The following EVC2 variants were observed in gnomAD, a reference collection of about 807,000 sequenced individuals.
EVC2 encodes limbin.
A neutral mutation model predicts 149.3 loss-of-function variants in EVC2; 148 were observed. The ratio of observed to expected loss-of-function variants is 0.99; its 90% CI spans 0.87 to 1.14. The LOEUF is 1.14. Ranked by LOEUF, EVC2 falls within the 50% of genes most tolerant of loss-of-function variation. The pLI is 0.00. For missense variants in EVC2, 1,854 were observed against 1,627.3 expected (o/e 1.14, Z -2.40); for synonymous variants, 776 against 649.9 (o/e 1.19, Z -2.95).
chr4:5,617,973 C>T (rs1715384241), intron 15 of EVC2, among the ~76,000 whole-genome samples: 1 of 151,004 alleles, frequency 6.6e-6, no homozygotes, highest in Non-Finnish European at 1.5e-5. Context: ...AGTTGTCTGC[C>T]CTCGGGCACA....
rs1020992089 is a variant in EVC2 at position 5,679,604 on chromosome 4, G to A, written c.870+1656C>T. On this transcript the variant is annotated intron_variant, in intron 7 of 21. Transcript: ENST00000344408. This position sits in a 1 kb window ranked among gnomAD's most constrained non-coding sequence, Gnocchi z 5.1. ...AGTAATAAGTTAATCTTGGCTTACT[G>A]TAATTTTTTATTTTTTATTTTATTT... Among the ~76,000 whole-genome samples, 1 of 152,076 alleles carries A rather than the reference G, an allele frequency of 6.6e-6. No individual in the cohort carries two copies. The highest frequency in any genetic ancestry group is 2.4e-5 in the African/African-American group (1 of 41,414).
Position 5,614,401 on chromosome 4 carries a change from CT to C in EVC2, c.2829+1020del, listed in dbSNP as rs5855863. Among the ~76,000 whole-genome samples the C allele has an allele frequency of 0.27, 41,398 of 151,904 alleles. 6,041 individuals carry two copies. The highest frequency in any genetic ancestry group is 0.6 in the East Asian group (3,075 of 5,116). On this transcript the variant is annotated intron_variant, in intron 16 of 21. Transcript: ENST00000344408. This position sits in a 1 kb window ranked among gnomAD's most constrained non-coding sequence, Gnocchi z 4.7. ...GTTAACTGACACAGCGCCTGGGACA[CT>C]GTTGCCTCCCCAAAATACTTGTGGA...
chr4:5,529,791 G>A, the EVC2 span, among the ~76,000 whole-genome samples: 1 of 151,840 alleles, frequency 6.6e-6, no homozygotes, highest in African/African-American at 2.4e-5. The surrounding 1 kb of genome is among the most constrained non-coding windows in gnomAD (Gnocchi z 4.5). Context: ...TACAGAAATG[G>A]GAAGAACTGA....
intron 14 of EVC2, among the ~76,000 whole-genome samples, chr4:5,619,154 T>C (rs1238462035): frequency 6.6e-6 from 1 of 152,160 alleles, no homozygotes; most frequent in Non-Finnish European, 1.5e-5. Flanking sequence ...TGTCATTCAG[T>C]GAAAATCGAT....
Position 5,681,269 on chromosome 4 carries a change from T to C in EVC2, c.861A>G (p.Glu287=). 6.2e-7 allele frequency: 1 copy of C among 1,614,258 alleles called. No individual in the cohort carries two copies. Among genetic ancestry groups the C allele is most frequent in the Non-Finnish European group, 8.5e-7 (1 of 1,180,036 alleles). Residue 287 remains glutamate, a synonymous_variant, in exon 7 of 22, where the codon GAA becomes GAG. Transcript: ENST00000344408. ...LKVLFSITAE[E]NVTVLPHHGL... ...ATGTCATGTCTCTTACCGTTACGTT[T>C]TCTTCTGCTGTTATGGAAAAAAGCA...
intron 21 of EVC2, chr4:5,543,335 C>A: frequency 2.2e-6 from 1 of 447,848 alleles, no homozygotes; most frequent in Middle Eastern, 6.8e-4. Context: ...TTCTTAATGA[C>A]ACAGTGAAGA....
At chr4:5,579,673 C>G (rs1454522004) in intron 17 of EVC2, among the ~76,000 whole-genome samples, 1 of 152,114 alleles carries the variant, frequency 6.6e-6, no homozygotes, top group Non-Finnish European at 1.5e-5. Flanking sequence ...GAAGCCTTGT[C>G]TCTACTAAAA....
At chr4:5,601,109 G>T (rs1385319623) in intron 16 of EVC2, among the ~76,000 whole-genome samples, 1 of 152,110 alleles carries the variant, frequency 6.6e-6, no homozygotes, top group Non-Finnish European at 1.5e-5. Flanking sequence ...TCACACTGGG[G>T]ATTCCCCTAC....
chr4:5,663,300 G>C, intron 8 of EVC2, 54 bp from the exon 9 acceptor site: 2 of 1,611,152 alleles, frequency 1.2e-6, no homozygotes, highest in Admixed American at 1.7e-5. Flanking sequence ...TGAATTCCAC[G>C]TGCTGAGAAA....
At chr4:5,631,060 C>T (rs1438567478) in intron 11 of EVC2, among the ~76,000 whole-genome samples, 1 of 152,130 alleles carries the variant, frequency 6.6e-6, no homozygotes, top group African/African-American at 2.4e-5. Flanking sequence ...CACAGTGATG[C>T]TGACAGTTTC....
chr4:5,681,715 A>G (rs1577246131), intron 6 of EVC2, among the ~76,000 whole-genome samples: 1 of 152,066 alleles, frequency 6.6e-6, no homozygotes, highest in South Asian at 2.1e-4. Context: ...CTCTCACTCA[A>G]ACGCACTTGA....
chr4:5,639,177 CA>C (rs1717124758), intron 10 of EVC2, among the ~76,000 whole-genome samples: 1 of 152,100 alleles, frequency 6.6e-6, no homozygotes, highest in Admixed American at 6.5e-5. Context: ...TATTTGCTCC[CA>C]GGGGCATCCA....
intron 13 of EVC2, among the ~76,000 whole-genome samples, chr4:5,624,010 G>A (rs1242741139): frequency 1.3e-5 from 2 of 152,156 alleles, no homozygotes; most frequent in African/African-American, 4.8e-5. Flanking sequence ...ATATTATAAA[G>A]GGGGAATCAA....
At chr4:5,644,122 C>T (rs1366162163) in intron 9 of EVC2, among the ~76,000 whole-genome samples, 2 of 152,108 alleles carry the variant, frequency 1.3e-5, no homozygotes, top group African/African-American at 4.8e-5. Context: ...CACCATCCTG[C>T]AGAATGTCCC....
chr4:5,691,746 G>A (rs918200017), intron 3 of EVC2, among the ~76,000 whole-genome samples: 2 of 152,144 alleles, frequency 1.3e-5, no homozygotes, highest in East Asian at 3.9e-4. Flanking sequence ...GTGTCTGGGG[G>A]CTGGGGGCAG....
chr4:5,591,910 ACTT>A lies in EVC2; in HGVS notation c.2830-7063_2830-7061del, dbSNP rs780726040. Among the ~76,000 whole-genome samples the A allele has an allele frequency of 1.2e-3, 184 of 152,338 alleles. 1 individual carries two copies. Among genetic ancestry groups the A allele is most frequent in the Non-Finnish European group, 1.3e-3 (91 of 68,030 alleles). ...ACTCTTTAAACGAGAAGTTCAAACA[ACTT>A]CTTACTACTTTTCCCTGACAACATG... On this transcript the variant is annotated intron_variant, in intron 16 of 21. Coordinates refer to ENST00000344408, the MANE Select transcript of EVC2 (RefSeq NM_147127.5).
rs1319781973 is a variant in EVC2 at position 5,631,907 on chromosome 4, G to T, written c.1596C>A (p.Phe532Leu). 1 of 1,614,046 alleles carries T rather than the reference G, an allele frequency of 6.2e-7. No individual in the cohort carries two copies. Among genetic ancestry groups the T allele is most frequent in the Non-Finnish European group, 8.5e-7 (1 of 1,180,014 alleles). The part of the protein sequence containing the change: ...FAKAHRQLAV[F>L]QRNELHSIFF... The stretch of plus-strand genomic sequence containing the variant: ...AGATACTGTGCAGTTCATTTCTCTG[G>T]AAAACAGCCAGCTGTCTGTGAGCTT... Residue 532 changes from phenylalanine to leucine, a missense_variant, in exon 11 of 22, where the codon TTC becomes TTA. By Grantham distance (22) the Phe-to-Leu change is conservative. Coordinates refer to ENST00000344408, the MANE Select transcript of EVC2 (RefSeq NM_147127.5).
chr4:5,646,219 C>A (rs779363124), intron 9 of EVC2, among the ~76,000 whole-genome samples: 3 of 152,210 alleles, frequency 2.0e-5, no homozygotes, highest in Non-Finnish European at 4.4e-5. Context: ...GCATAAGCCA[C>A]CGTGCCAGGT....
At chr4:5,588,474 A>G (rs1204783970) in intron 16 of EVC2, among the ~76,000 whole-genome samples, 1 of 152,112 alleles carries the variant, frequency 6.6e-6, no homozygotes, top group African/African-American at 2.4e-5. Flanking sequence ...AATTCTTCCA[A>G]TATGTTTTCA....
Sources: gnomAD v4.1 joint callset for allele counts (sites outside exome capture counted in the v4.1 genomes callset) on GRCh38, gnomAD v4.1.1 for gene constraint, Gnocchi (gnomAD v3.1) non-coding constraint, MANE v1.5 for transcripts, NCBI Gene and HGNC (gene_info 2026-07-23, HGNC 2026-07-21) for gene names.